The following RIPOR2 variants were observed in gnomAD, a reference collection of about 807,000 sequenced individuals.
RIPOR2 encodes the protein rho family-interacting cell polarization regulator 2.
RIPOR2 carries 39 observed loss-of-function variants against 114.5 expected under a neutral mutation model. The ratio of observed to expected loss-of-function variants is 0.34; its 90% CI spans 0.26 to 0.44. The LOEUF is 0.44. Among genes scored for constraint, RIPOR2 ranks in the 20% least tolerant of loss-of-function variants. The probability of loss-of-function intolerance (pLI) is 1.00; values close to 1 mark genes in which losing one functional copy is unlikely to be tolerated. For missense variants in RIPOR2, 1,007 were observed against 1,255.1 expected (o/e 0.80, Z 2.99); for synonymous variants, 445 against 484.4 (o/e 0.92, Z 1.07).
In RIPOR2 at chr6:24,990,540, G is replaced by C. The variant is rs142625298; in HGVS notation, c.76+51311C>G. ...GGACTGATTGGACTTATGTTGATAC[G>C]AGTGAATAGTTTAAAAGCCGCTGTT... is the stretch of plus-strand genomic sequence containing the variant. On this transcript the variant is annotated intron_variant, in intron 1 of 13. Transcript: ENST00000510784. 2.1e-3 allele frequency among the ~76,000 whole-genome samples: 322 copies of C among 152,316 alleles called. 2 individuals carry two copies. Among genetic ancestry groups the C allele is most frequent in the African/African-American group, 7.4e-3 (306 of 41,552 alleles).
intron 1 of RIPOR2, among the ~76,000 whole-genome samples, chr6:24,894,508 C>T (rs1245518886): frequency 6.6e-6 from 1 of 152,152 alleles, no homozygotes; most frequent in East Asian, 1.9e-4. Context: ...TAACAATTTC[C>T]TTTTCCGTTT....
intron 1 of RIPOR2, among the ~76,000 whole-genome samples, chr6:24,915,276 T>A (rs1769982804): frequency 6.6e-6 from 1 of 152,102 alleles, no homozygotes; most frequent in Non-Finnish European, 1.5e-5. Flanking sequence ...AATAGTATAA[T>A]CTTTTGGCCT....
intron 13 of RIPOR2, among the ~76,000 whole-genome samples, chr6:24,842,477 C>G (rs1761818042): frequency 6.6e-6 from 1 of 152,174 alleles, no homozygotes; most frequent in Non-Finnish European, 1.5e-5. Context: ...ACGGATAACT[C>G]TGACTCCAAC....
chr6:24,944,620 G>C (rs441957), intron 1 of RIPOR2, among the ~76,000 whole-genome samples: 41,035 of 152,004 alleles, frequency 0.27, 6,245 homozygotes, highest in East Asian at 0.46. Flanking sequence ...TCAATAGGAA[G>C]TCCCTAATGA....
At chr6:24,947,783 G>A (rs1187128656) in intron 1 of RIPOR2, 3 of 152,150 alleles carry the variant, frequency 2.0e-5, no homozygotes, top group East Asian at 3.9e-4. Flanking sequence ...AGCAGTGAAG[G>A]AAGGGAAGGA....
chr6:24,894,524 T>A (rs906523197), intron 1 of RIPOR2, among the ~76,000 whole-genome samples: 1 of 152,214 alleles, frequency 6.6e-6, no homozygotes, highest in Non-Finnish European at 1.5e-5. Context: ...CGTTTCTTAA[T>A]TTTCTGTCAA....
chr6:25,033,651 G>T (rs888463127), intron 1 of RIPOR2, among the ~76,000 whole-genome samples: 8 of 152,108 alleles, frequency 5.3e-5, no homozygotes, highest in African/African-American at 1.9e-4. Context: ...CAACAAATAG[G>T]ATTCTTTTTT....
chr6:24,903,311 A>G (rs1048438837), intron 1 of RIPOR2, among the ~76,000 whole-genome samples: 2 of 152,186 alleles, frequency 1.3e-5, no homozygotes, highest in African/African-American at 4.8e-5. Context: ...TAGAAATCAC[A>G]TTCTCTATTG....
intron 1 of RIPOR2, among the ~76,000 whole-genome samples, chr6:24,924,733 A>C (rs1770739710): frequency 6.6e-6 from 1 of 152,196 alleles, no homozygotes; most frequent in African/African-American, 2.4e-5. Context: ...ATGAAAAGGA[A>C]GAAAGAGATG....
At chr6:24,940,894 T>C (rs1175052701), upstream of RIPOR2, among the ~76,000 whole-genome samples, 3 of 152,182 alleles carry the variant, frequency 2.0e-5, no homozygotes, top group Non-Finnish European at 2.9e-5. Flanking sequence ...CCTAAAGTGA[T>C]CTGCCCGCCT....
At chr6:24,923,455 T>C (rs1235895943) in intron 1 of RIPOR2, among the ~76,000 whole-genome samples, 1 of 152,186 alleles carries the variant, frequency 6.6e-6, no homozygotes, top group African/African-American at 2.4e-5. Flanking sequence ...ATACTGTTTT[T>C]TGTAGTGGCT....
intron 1 of RIPOR2, among the ~76,000 whole-genome samples, chr6:24,912,258 C>T (rs1769683923): frequency 6.6e-6 from 1 of 152,212 alleles, no homozygotes; most frequent in Non-Finnish European, 1.5e-5. Context: ...TCCATAGCTA[C>T]ATATTGAATG....
intron 1 of RIPOR2, among the ~76,000 whole-genome samples, chr6:24,975,944 T>C (rs1413490911): frequency 6.6e-6 from 1 of 152,174 alleles, no homozygotes; most frequent in Non-Finnish European, 1.5e-5. Flanking sequence ...TTTAGCACTA[T>C]TGAACTATAT....
intron 7 of RIPOR2, among the ~76,000 whole-genome samples, chr6:24,861,816 C>A (rs757492170): frequency 1.1e-4 from 16 of 152,262 alleles, no homozygotes; most frequent in Admixed American, 3.3e-4. Context: ...AGAGGGAAAG[C>A]AAATATGGCC....
intron 10 of RIPOR2, 149 bp from the exon 11 acceptor site, chr6:24,850,099 T>C (rs1247457106): frequency 9.3e-6 from 3 of 321,472 alleles, no homozygotes; most frequent in Non-Finnish European, 1.1e-5. Context: ...TTCTTTTTCT[T>C]TTTTTTTTTT....
At chr6:25,040,992 A>G (rs2113783743) in intron 1 of RIPOR2, among the ~76,000 whole-genome samples, 1 of 152,336 alleles carries the variant, frequency 6.6e-6, no homozygotes, top group African/African-American at 2.4e-5. Context: ...GATGGGACAC[A>G]TATTTCCCCA....
chr6:24,898,189 G>T (rs1768075803), intron 1 of RIPOR2, among the ~76,000 whole-genome samples: 1 of 152,010 alleles, frequency 6.6e-6, no homozygotes, highest in Non-Finnish European at 1.5e-5. Context: ...AAGGTCAAAG[G>T]TAAAAAGACA....
chr6:25,011,702 C>T (rs73384162), intron 1 of RIPOR2, among the ~76,000 whole-genome samples: 7,323 of 152,164 alleles, frequency 0.048, 380 homozygotes, highest in African/African-American at 0.13. Flanking sequence ...ACTGCATGGC[C>T]CTGTCTCACA....
intron 18 of RIPOR2, among the ~76,000 whole-genome samples, chr6:24,826,818 A>G (rs187578199): frequency 1.5e-4 from 23 of 152,320 alleles, no homozygotes; most frequent in Admixed American, 1.2e-3. Context: ...TGTAAAACCC[A>G]TGTACATTCA....
Sources: allele counts gnomAD v4.1 joint callset (sites outside exome capture counted in the v4.1 genomes callset), GRCh38; gene constraint gnomAD v4.1.1; transcripts MANE v1.5; gene names NCBI Gene and HGNC (gene_info 2026-07-23, HGNC 2026-07-21).